Variants in EIF2B2 observed in about 807,000 individuals in gnomAD.
EIF2B2 encodes the protein translation initiation factor eIF2B subunit beta.
In EIF2B2, 34 loss-of-function variants were observed where a neutral mutation model predicts 34.7. The ratio of observed to expected loss-of-function variants is 0.98; its 90% confidence interval spans 0.75 to 1.31. The LOEUF (loss-of-function observed/expected upper bound fraction) is 1.31. Ranked by LOEUF, EIF2B2 falls within the 50% of genes most tolerant of loss-of-function variation. The pLI is 0.00. For missense variants in EIF2B2, 361 were observed against 447.7 expected (o/e 0.81, Z 1.75); for synonymous variants, 155 against 171.6 (o/e 0.90, Z 0.76).
At chr14:75,007,167 A>C (rs896573096) in intron 6 of EIF2B2, 12 of 432,498 alleles carry the variant, frequency 2.8e-5, no homozygotes, top group Non-Finnish European at 4.6e-5. Flanking sequence ...ATAGGTCTCT[A>C]TTTTTTAAAT....
chr14:75,009,487 T>G lies in EIF2B2; in HGVS notation c.*299T>G. 1 of 415,524 alleles carries G rather than the reference T, an allele frequency of 2.4e-6. No homozygotes were observed. The allele number at this position is 415,524 out of a possible 1,614,324, so 25.7% of individuals were successfully genotyped here. ...ACTTAAACTTTCTGGTTCAGTAGTGTGTTAAACATAACACTGAATACCTTA... is the reference window on the plus strand; with the variant it reads ...ACTTAAACTTTCTGGTTCAGTAGTGGGTTAAACATAACACTGAATACCTTA... On this transcript the variant is annotated 3_prime_UTR_variant, in exon 8 of 8. Transcript: ENST00000266126.
chr14:75,006,455 C>G lies in EIF2B2; in HGVS notation c.694-122C>G. 7.2e-7 allele frequency: 1 copy of G among 1,393,960 alleles called. No homozygotes were observed. The allele number at this position is 1,393,960 out of a possible 1,614,324, so 86.3% of individuals were successfully genotyped here. On this transcript the variant is annotated intron_variant, in intron 5 of 7. Transcript: ENST00000266126. The surrounding 1 kb of genome is among the most constrained non-coding windows in gnomAD (Gnocchi z 4.1). Reference sequence around the variant, plus strand: ...TATTGAGCCAGGGATCCCTTCACCTCTACCAGTCTGTGACCCCTCACGATA... The same window carrying G: ...TATTGAGCCAGGGATCCCTTCACCTGTACCAGTCTGTGACCCCTCACGATA...
intron 3 of EIF2B2, among the ~76,000 whole-genome samples, chr14:75,004,184 G>A (rs541986548): frequency 4.9e-4 from 75 of 152,272 alleles, no homozygotes; most frequent in African/African-American, 1.7e-3. Context: ...TAGAAGTGTT[G>A]TGGCCACCTT....
In EIF2B2 at chr14:75,009,078, G is replaced by A. The variant is rs761055346; in HGVS notation, c.946G>A (p.Val316Ile). The change falls in exon 8 of 8, where the codon GTT becomes ATT. Residue 316 changes from valine (V) to isoleucine (I), a missense_variant. By Grantham distance (29) the Val-to-Ile change is conservative. Transcript: ENST00000266126. ...CGTGCATTGCCCTGTGTTTGACTACGTTCCCCCAGAGCTCATTACCCTCTT... is the reference window on the plus strand; with the variant it reads ...CGTGCATTGCCCTGTGTTTGACTACATTCCCCCAGAGCTCATTACCCTCTT... ...VSVHCPVFDYVPPELITLFIS... is the reference protein window; with the variant it reads ...VSVHCPVFDYIPPELITLFIS... The A allele has an allele frequency of 2.5e-5, 40 of 1,613,916 alleles. 1 individual carries two copies. The South Asian group carries it at 3.7e-4, about 15-fold the overall frequency.
chr14:75,005,945 T>G lies in EIF2B2; in HGVS notation c.677T>G (p.Met226Arg). Reference protein sequence around the residue: ...VMTDAAIFAVMSRVNKVIIGT... With the variant: ...VMTDAAIFAVRSRVNKVIIGT... ...ACTGATGCTGCCATTTTTGCCGTTA[T>G]GTCAAGAGTCAACAAGGTGGGTATA... Residue 226 changes from methionine to arginine, a missense_variant, in exon 5 of 8, where the codon ATG becomes AGG. Physicochemically the swap from Met to Arg is moderately conservative, Grantham distance 91. Transcript: ENST00000266126. 6.2e-7 allele frequency: 1 copy of G among 1,613,348 alleles called. No homozygotes were observed. The highest frequency in any genetic ancestry group is 8.5e-7 in the Non-Finnish European group (1 of 1,179,386).
rs758891991 is a variant in EIF2B2, at chr14:75,002,979, GCT to G, written c.-11_-10del. 13 of 1,613,882 alleles carry G rather than the reference GCT, an allele frequency of 8.1e-6. No homozygotes were observed. The highest frequency in any genetic ancestry group is 1.1e-5 in the Non-Finnish European group (13 of 1,180,034). On this transcript the variant is annotated 5_prime_UTR_variant, in exon 1 of 8. Coordinates refer to ENST00000266126, the MANE Select transcript of EIF2B2 (RefSeq NM_014239.4). ...ATTCCGCCGGTGAAGGCTGAAGGCA[GCT>G]ACCTTAAAGATGCCGGGATCCGCAG...
rs1198157530 is a variant in EIF2B2, at chr14:75,007,780, T to C, written c.890T>C (p.Phe297Ser). ...GTGGCTCCTGAAGAAGTCCTGCCAT[T>C]CACAGAAGGTACAGAAGCTGTGTGT... ...KFVAPEEVLP[F>S]TEGDILEKVS... The change falls in exon 7 of 8, where the codon TTC (phenylalanine) becomes TCC (serine). Residue 297 changes from phenylalanine to serine, a missense_variant. Coordinates refer to ENST00000266126, the MANE Select transcript of EIF2B2 (RefSeq NM_014239.4). The C allele has an allele frequency of 6.2e-7, 1 of 1,613,802 alleles. No individual in the cohort carries two copies. The highest frequency in any genetic ancestry group is 1.3e-5 in the African/African-American group (1 of 74,944).
intron 7 of EIF2B2, chr14:75,008,128 G>A: frequency 3.3e-6 from 1 of 307,434 alleles, no homozygotes; most frequent in Admixed American, 4.8e-5. Flanking sequence ...CCTGCTATAA[G>A]GAGTCATTTT....
In EIF2B2 at chr14:75,006,091, CT is replaced by C; in HGVS notation, c.693+135del. 1.3e-6 allele frequency: 1 copy of C among 780,510 alleles called. No individual in the cohort carries two copies. Among genetic ancestry groups the C allele is most frequent in the South Asian group, 1.4e-5 (1 of 71,820 alleles). 48.3% of individuals were successfully genotyped at this position (780,510 alleles called of 1,614,324 possible). On this transcript the variant is annotated intron_variant, in intron 5 of 7. Coordinates refer to ENST00000266126, the MANE Select transcript of EIF2B2 (RefSeq NM_014239.4). The surrounding 1 kb of genome is among the most constrained non-coding windows in gnomAD (Gnocchi z 4.1). Reference sequence around the variant, plus strand: ...CACCTTTCAAAGTACATACTTAGGCCTTTTTAATCTGTTAACTGAATTTCTT... The same window carrying C: ...CACCTTTCAAAGTACATACTTAGGCCTTTTAATCTGTTAACTGAATTTCTT...
chr14:75,003,016 C>G lies in EIF2B2; in HGVS notation c.26C>G (p.Ser9Trp). The G allele has an allele frequency of 1.2e-6, 2 of 1,614,110 alleles. No homozygotes were observed. MPGSAAKG[S>W]ELSERIESFV... ...ATGCCGGGATCCGCAGCGAAGGGCT[C>G]GGAGTTGTCAGAGAGGATCGAGAGC... The change falls in exon 1 of 8, where the codon TCG becomes TGG. Residue 9 changes from serine to tryptophan, a missense_variant. By Grantham distance (177) the Ser-to-Trp change is radical. Coordinates refer to ENST00000266126, the MANE Select transcript of EIF2B2 (RefSeq NM_014239.4).
At position 75,005,872 on chromosome 14, in the gene EIF2B2, GA is replaced by G. The variant is rs771315757; in HGVS notation, c.607del (p.Met203TrpfsTer3). 1.0e-4 allele frequency: 166 copies of G among 1,613,046 alleles called. No individual in the cohort carries two copies. The highest frequency in any genetic ancestry group is 1.4e-4 in the Non-Finnish European group (162 of 1,179,298). ...CCTTTCCCTCCCATTGCAGGGTCAT[GA>G]AATGGCTGTGAATTTGTCCAAAGCA... ...AECAPFCQGHEMAVNLSKAGI... is the reference protein window; with the variant it reads ...AECAPFCQGHXMAVNLSKAGI... On this transcript the variant is annotated frameshift_variant, in exon 5 of 8. Coordinates refer to ENST00000266126, the MANE Select transcript of EIF2B2 (RefSeq NM_014239.4). LOFTEE classifies it high-confidence loss of function.
rs1336149405 is a variant in EIF2B2 at position 75,005,968 on chromosome 14, A to G, written c.693+7A>G. 1 of 1,604,254 alleles carries G rather than the reference A, an allele frequency of 6.2e-7. No individual in the cohort carries two copies. Among genetic ancestry groups the G allele is most frequent in the African/African-American group, 1.3e-5 (1 of 74,726 alleles). On this transcript the variant is annotated splice_region_variant and intron_variant, in intron 5 of 7. Transcript: ENST00000266126. ...TATGTCAAGAGTCAACAAGGTGGGT[A>G]TATCTGGAGTTATGTTGAATTCATG... is the stretch of plus-strand genomic sequence containing the variant.
At chr14:75,008,981 TGA>T (rs1889665673) in intron 7 of EIF2B2, 48 bp from the exon 8 acceptor site, 1 of 1,611,702 alleles carries the variant, frequency 6.2e-7, no homozygotes, top group African/African-American at 1.3e-5. Flanking sequence ...TACTTAATTA[TGA>T]GAGAGGGAGC....
chr14:75,007,384 T>C (rs563214147), intron 6 of EIF2B2: 6 of 346,610 alleles, frequency 1.7e-5, no homozygotes, highest in Admixed American at 4.2e-5. Context: ...CTCTATGGAT[T>C]TGCCCATTTT....
At chr14:75,004,520 GTC>G (rs936928320) in intron 3 of EIF2B2, among the ~76,000 whole-genome samples, 4 of 151,366 alleles carry the variant, frequency 2.6e-5, no homozygotes, top group Non-Finnish European at 5.9e-5. Flanking sequence ...GTGGGACCCT[GTC>G]TCTATTAAAA....
rs1889699110 is a variant in EIF2B2, at chr14:75,011,182, G to A, written c.*1994G>A. On this transcript the variant is annotated 3_prime_UTR_variant, in exon 8 of 8. Coordinates refer to ENST00000266126, the MANE Select transcript of EIF2B2 (RefSeq NM_014239.4). ...CACTTTAGCCTGGGCAACAGTGGGTGAGACTCTGTCTCACAAAAACAAAAC... is the reference window on the plus strand; with the variant it reads ...CACTTTAGCCTGGGCAACAGTGGGTAAGACTCTGTCTCACAAAAACAAAAC... 6.6e-6 allele frequency: 1 copy of A among 152,200 alleles called. No homozygotes were observed. Among genetic ancestry groups the A allele is most frequent in the African/African-American group, 2.4e-5 (1 of 41,436 alleles). The allele number at this position is 152,200 out of a possible 1,614,324, so 9.4% of individuals were successfully genotyped here. A position where few individuals can be genotyped will look rare whatever the true frequency, so the allele number is the denominator to read the frequency against.
chr14:75,003,711 G>A lies in EIF2B2; in HGVS notation c.433+12G>A. On this transcript the variant is annotated intron_variant, in intron 3 of 7. Coordinates refer to ENST00000266126, the MANE Select transcript of EIF2B2 (RefSeq NM_014239.4). ...GCTAGTGGAGCTGGGTAAGAGGCCT[G>A]ATCGCTGGGAAAATGGGACTGGTCA... 1.9e-6 allele frequency: 3 copies of A among 1,614,148 alleles called. No individual in the cohort carries two copies. The South Asian group carries it at 3.3e-5, about 18-fold the overall frequency.
intron 1 of EIF2B2, 42 bp from the exon 2 acceptor site, chr14:75,003,233 C>G (rs1345446621): frequency 6.2e-7 from 1 of 1,613,472 alleles, no homozygotes; most frequent in East Asian, 2.2e-5. Flanking sequence ...CCAGGCCTCA[C>G]TTCGCGTTGG....
At position 75,011,108 on chromosome 14, in the gene EIF2B2, C is replaced by G. The variant is rs1889698532; in HGVS notation, c.*1920C>G. On this transcript the variant is annotated 3_prime_UTR_variant, in exon 8 of 8. Coordinates refer to ENST00000266126, the MANE Select transcript of EIF2B2 (RefSeq NM_014239.4). ...CCTGTAGTCCCAGCTACTCGGGAGG[C>G]TGAACTTGGGAAGTAGAGGTTGCAG... The G allele has an allele frequency of 6.6e-6, 1 of 152,174 alleles. No homozygotes were observed. Among genetic ancestry groups the G allele is most frequent in the African/African-American group, 2.4e-5 (1 of 41,438 alleles). 9.4% of individuals were successfully genotyped at this position (152,174 alleles called of 1,614,324 possible). A position where few individuals can be genotyped will look rare whatever the true frequency, so the allele number is the denominator to read the frequency against.
Sources: allele counts gnomAD v4.1 joint callset (sites outside exome capture counted in the v4.1 genomes callset), GRCh38; gene constraint gnomAD v4.1.1; non-coding constraint Gnocchi (gnomAD v3.1); transcripts MANE v1.5; gene names NCBI Gene and HGNC (gene_info 2026-07-23, HGNC 2026-07-21).